KIAA1549L: variants seen among roughly 807,000 people sequenced by gnomAD.
KIAA1549L encodes UPF0606 protein KIAA1549L.
KIAA1549L carries 88 observed loss-of-function variants against 160.7 expected under a neutral mutation model. That is an observed-to-expected ratio of 0.55 (90% CI 0.46 to 0.65). The LOEUF is 0.65. KIAA1549L is among the 30% of genes least tolerant of loss of function. The probability of loss-of-function intolerance (pLI) is 0.00; values close to 1 mark genes in which losing one functional copy is unlikely to be tolerated. For synonymous variants in KIAA1549L, 950 were observed against 976.7 expected, an observed-to-expected ratio of 0.97 and a Z score of 0.51; for missense variants, 2,258 against 2,437.5, an observed-to-expected ratio of 0.93 and a Z score of 1.55.
chr11:33,480,471 T>C (rs1852386945), intron 1 of KIAA1549L, among the ~76,000 whole-genome samples: 1 of 152,230 alleles, frequency 6.6e-6, no homozygotes, highest in African/African-American at 2.4e-5. Context: ...ATAATGCCGC[T>C]GTGAACACTC....
intron 1 of KIAA1549L, among the ~76,000 whole-genome samples, chr11:33,510,952 G>A (rs1253717396): frequency 6.6e-6 from 1 of 152,360 alleles, no homozygotes. Flanking sequence ...CATGCAGACT[G>A]AGTTCAAATC....
intron 15 of KIAA1549L, among the ~76,000 whole-genome samples, chr11:33,614,555 T>TCC (rs1850741483): frequency 3.6e-4 from 5 of 14,016 alleles, no homozygotes; most frequent in East Asian, 1.4e-3. Context: ...TATATATATA[T>TCC]ATATATATAT....
intron 1 of KIAA1549L, among the ~76,000 whole-genome samples, chr11:33,439,489 G>A (rs538152057): frequency 3.3e-5 from 5 of 151,476 alleles, no homozygotes; most frequent in Admixed American, 2.0e-4. Context: ...TGCAAGCTCC[G>A]CCTTCCGGGT....
chr11:33,440,120 C>CTTTTTTTTTTTTTTTTTT lies in KIAA1549L; in HGVS notation c.238+63241_238+63258dup, dbSNP rs201551936. Reference sequence around the variant, plus strand: ...GGTTATTTCCTCACCTATTTTGTTTCTTTTTTTTTTTTTTTTTTTTTTTTT... The same window carrying CTTTTTTTTTTTTTTTTTT: ...GGTTATTTCCTCACCTATTTTGTTTCTTTTTTTTTTTTTTTTTTTTTTTTTTTTTTTTTTTTTTTTTTT... On this transcript the variant is annotated intron_variant, in intron 1 of 20. Coordinates refer to ENST00000658780, the MANE Select transcript of KIAA1549L (RefSeq NM_012194.3). Among the ~76,000 whole-genome samples, 24 of 83,424 alleles carry CTTTTTTTTTTTTTTTTTT rather than the reference C, an allele frequency of 2.9e-4. 6 individuals carry two copies. Among genetic ancestry groups the CTTTTTTTTTTTTTTTTTT allele is most frequent in the Admixed American group, 4.7e-4 (4 of 8,554 alleles). The allele number at this position is 83,424 out of a possible 152,430, so 54.7% of individuals were successfully genotyped here.
intron 1 of KIAA1549L, among the ~76,000 whole-genome samples, chr11:33,480,414 C>A (rs892952249): frequency 6.6e-6 from 1 of 152,132 alleles, no homozygotes; most frequent in African/African-American, 2.4e-5. Context: ...ATGGGCTTTA[C>A]TTTATTTGCT....
At chr11:33,481,476 A>G (rs1852410768) in intron 1 of KIAA1549L, among the ~76,000 whole-genome samples, 1 of 152,244 alleles carries the variant, frequency 6.6e-6, no homozygotes, top group Non-Finnish European at 1.5e-5. Flanking sequence ...TTGTGTCACC[A>G]GGACCTAAAG....
At chr11:33,495,659 G>C (rs1171092901) in intron 1 of KIAA1549L, among the ~76,000 whole-genome samples, 1 of 152,108 alleles carries the variant, frequency 6.6e-6, no homozygotes, top group African/African-American at 2.4e-5. Context: ...GGATGGCTGG[G>C]TCAAATGGTA....
intron 11 of KIAA1549L, among the ~76,000 whole-genome samples, chr11:33,588,174 C>T (rs1241647570): frequency 2.6e-5 from 4 of 152,192 alleles, no homozygotes; most frequent in Admixed American, 2.6e-4. Context: ...GTCTTTAGTA[C>T]TGTGCCATTA....
chr11:33,440,708 A>G (rs938854187), intron 1 of KIAA1549L, among the ~76,000 whole-genome samples: 1 of 152,210 alleles, frequency 6.6e-6, no homozygotes, highest in African/African-American at 2.4e-5. Flanking sequence ...ATCCACATTT[A>G]TAGTTTTCCT....
At chr11:33,503,995 C>T (rs1216474110) in intron 1 of KIAA1549L, among the ~76,000 whole-genome samples, 1 of 152,254 alleles carries the variant, frequency 6.6e-6, no homozygotes, top group Non-Finnish European at 1.5e-5. Context: ...GGCACAGTGG[C>T]TCATGCCTGT....
At chr11:33,407,848 G>C (rs774503968) in intron 1 of KIAA1549L, among the ~76,000 whole-genome samples, 2 of 152,074 alleles carry the variant, frequency 1.3e-5, no homozygotes, top group Non-Finnish European at 1.5e-5. Context: ...TTCTGCGCCC[G>C]TCTATCCATT....
intron 9 of KIAA1549L, among the ~76,000 whole-genome samples, chr11:33,571,715 A>C (rs769354447): frequency 6.6e-6 from 1 of 152,164 alleles, no homozygotes; most frequent in Non-Finnish European, 1.5e-5. Flanking sequence ...CATGACCCAA[A>C]TACCTCCCAC....
In KIAA1549L at chr11:33,548,526, C is replaced by A. The variant is rs571237354; in HGVS notation, c.3501+647C>A. Among the ~76,000 whole-genome samples the A allele has an allele frequency of 3.3e-4, 50 of 152,252 alleles. No homozygotes were observed. In the South Asian group the frequency reaches 8.9e-3, roughly 27 times the overall value. On this transcript the variant is annotated intron_variant, in intron 4 of 20. Coordinates refer to ENST00000658780, the MANE Select transcript of KIAA1549L (RefSeq NM_012194.3). ...TCTAGAAAACTCTCCATTGCTTTTC[C>A]CCTTATTTTCATCACTATTGTAAAC...
At chr11:33,424,685 C>T (rs1253926187) in intron 1 of KIAA1549L, among the ~76,000 whole-genome samples, 1 of 151,880 alleles carries the variant, frequency 6.6e-6, no homozygotes, top group Admixed American at 6.6e-5. Flanking sequence ...TTTTGAGTCC[C>T]CTCATACATG....
chr11:33,440,996 T>C (rs1043362301), intron 1 of KIAA1549L, among the ~76,000 whole-genome samples: 7 of 152,186 alleles, frequency 4.6e-5, no homozygotes, highest in African/African-American at 1.4e-4. Flanking sequence ...TGTATACATG[T>C]GCCATGTTGG....
chr11:33,390,966 A>C (rs1362516021), intron 1 of KIAA1549L, among the ~76,000 whole-genome samples: 1 of 152,206 alleles, frequency 6.6e-6, no homozygotes, highest in Non-Finnish European at 1.5e-5. Context: ...AAGCTTCCAC[A>C]GTAGGTGCAC....
chr11:33,435,818 G>GTGTGTGTATATATATATATA (rs1554976830), intron 1 of KIAA1549L, among the ~76,000 whole-genome samples: 1 of 45,308 alleles, frequency 2.2e-5, no homozygotes, highest in South Asian at 9.2e-4. Flanking sequence ...ATATGTGTGT[G>GTGTGTGTATATATATATATA]TATATATATA....
chr11:33,558,411 A>G (rs983966633), intron 6 of KIAA1549L, among the ~76,000 whole-genome samples: 3 of 152,084 alleles, frequency 2.0e-5, no homozygotes, highest in Non-Finnish European at 2.9e-5. Flanking sequence ...CTCAGCATCA[A>G]TACTTTGACC....
intron 1 of KIAA1549L, among the ~76,000 whole-genome samples, chr11:33,397,799 G>A (rs1453225723): frequency 6.0e-5 from 9 of 150,054 alleles, no homozygotes; most frequent in Admixed American, 1.3e-4. Context: ...TTATTACAAG[G>A]TAATCTTTTA....
Sources: allele counts gnomAD v4.1 joint callset (sites outside exome capture counted in the v4.1 genomes callset), GRCh38; gene constraint gnomAD v4.1.1; transcripts MANE v1.5; gene names NCBI Gene and HGNC (gene_info 2026-07-23, HGNC 2026-07-21).